PMVK: variants seen among roughly 807,000 people sequenced by gnomAD.
PMVK encodes testis tissue sperm-binding protein Li 95mP.
In PMVK, 10 loss-of-function variants were observed where a neutral mutation model predicts 19.0. That is an observed-to-expected ratio of 0.53 (90% CI 0.32 to 0.89). The LOEUF (loss-of-function observed/expected upper bound fraction) is 0.89. Ranked by LOEUF, PMVK falls within the 40% of genes least tolerant of loss-of-function variation. PMVK has a pLI of 0.03. For synonymous variants in PMVK, 108 were observed against 101.6 expected (o/e 1.06, Z -0.38); for missense variants, 222 against 251.1 (o/e 0.88, Z 0.78).
intron 2 of PMVK, among the ~76,000 whole-genome samples, chr1:154,930,381 A>AC (rs1654297653): frequency 6.6e-6 from 1 of 151,740 alleles, no homozygotes; most frequent in South Asian, 2.1e-4. Flanking sequence ...AACTGCTTGA[A>AC]CCCCAGGAGG....
the PMVK span, among the ~76,000 whole-genome samples, chr1:154,941,739 C>T: frequency 6.6e-6 from 1 of 152,300 alleles, no homozygotes; most frequent in South Asian, 2.1e-4. Flanking sequence ...CTATGACCCA[C>T]CCACCCCATC....
intron 1 of PMVK, among the ~76,000 whole-genome samples, chr1:154,933,772 G>A (rs1000437633): frequency 2.0e-5 from 3 of 151,782 alleles, no homozygotes; most frequent in African/African-American, 4.8e-5. Context: ...GATTACAGAC[G>A]TGAGCCACCG....
upstream of PMVK, among the ~76,000 whole-genome samples, chr1:154,940,312 C>T (rs1654615598): frequency 6.6e-6 from 1 of 152,208 alleles, no homozygotes; most frequent in South Asian, 2.1e-4. Context: ...CAATGGATGA[C>T]CCTCCCCTCT....
At chr1:154,939,884 C>G (rs1242579615), upstream of PMVK, among the ~76,000 whole-genome samples, 1 of 152,030 alleles carries the variant, frequency 6.6e-6, no homozygotes, top group East Asian at 1.9e-4. Context: ...CCACCTTCAG[C>G]CTGCTGAGTA....
Position 154,925,085 on chromosome 1 carries a change from A to AC in PMVK, c.*43dup. The AC allele has an allele frequency of 9.1e-6, 6 of 660,696 alleles. No individual in the cohort carries two copies. Among genetic ancestry groups the AC allele is most frequent in the Admixed American group, 3.2e-5 (1 of 31,078 alleles). The allele number at this position is 660,696 out of a possible 1,614,324, so 40.9% of individuals were successfully genotyped here. On this transcript the variant is annotated 3_prime_UTR_variant, in exon 5 of 5. Transcript: ENST00000368467. ...ACCCCCATTTTGCAGAGTCAGCCCC[A>AC]CCCCCACCTCAGCAGGCCCCAGCTC...
upstream of PMVK, among the ~76,000 whole-genome samples, chr1:154,940,698 C>T (rs1654623130): frequency 6.6e-6 from 1 of 152,212 alleles, no homozygotes; most frequent in South Asian, 2.1e-4. Flanking sequence ...TAAGAGAGTA[C>T]TATTAAAATT....
chr1:154,931,252 AACC>A (rs1175244703), intron 2 of PMVK, among the ~76,000 whole-genome samples: 4 of 152,100 alleles, frequency 2.6e-5, no homozygotes, highest in Non-Finnish European at 2.9e-5. Context: ...TGGTTCCGGA[AACC>A]ACACTCTGGC....
chr1:154,939,992 G>C (rs920365967), upstream of PMVK, among the ~76,000 whole-genome samples: 3 of 151,072 alleles, frequency 2.0e-5, no homozygotes, highest in African/African-American at 7.3e-5. Context: ...TCCCAGGCTG[G>C]TCTCGAACTC....
chr1:154,934,487 T>C (rs1463127479), intron 1 of PMVK, among the ~76,000 whole-genome samples: 2 of 152,134 alleles, frequency 1.3e-5, no homozygotes. Flanking sequence ...CAGCTAATTT[T>C]TTTTATCTTT....
chr1:154,931,107 C>T (rs11264287), intron 2 of PMVK, among the ~76,000 whole-genome samples: 31,525 of 152,084 alleles, frequency 0.21, 7,367 homozygotes, highest in African/African-American at 0.58. Flanking sequence ...AAAAAATAAA[C>T]CACTTAATTT....
chr1:154,929,287 C>A, intron 2 of PMVK, 111 bp from the exon 3 acceptor site: 1 of 989,436 alleles, frequency 1.0e-6, no homozygotes, highest in Non-Finnish European at 1.5e-6. Context: ...AGGGCTGATG[C>A]AAGGATTAAT....
At position 154,925,252 on chromosome 1, in the gene PMVK, A is replaced by G; in HGVS notation, c.456T>C (p.Ala152=). 6.2e-7 allele frequency: 1 copy of G among 1,614,142 alleles called. No individual in the cohort carries two copies. Among genetic ancestry groups the G allele is most frequent in the Non-Finnish European group, 8.5e-7 (1 of 1,179,982 alleles). ...AGTTGTCCAGGCCACATTCTGACTC[A>G]GCATCGTCCACCCCTATGAAGGAAG... ...GWVFTPGVDD[A]ESECGLDNFG... Residue 152 remains alanine (A), a synonymous_variant, in exon 5 of 5, where the codon GCT becomes GCC. Transcript: ENST00000368467.
At position 154,934,775 on chromosome 1, in the gene PMVK, G is replaced by A. The variant is rs183186467; in HGVS notation, c.95+1816C>T. Among the ~76,000 whole-genome samples, 430 of 152,030 alleles carry A rather than the reference G, an allele frequency of 2.8e-3. 3 individuals carry two copies. The highest frequency in any genetic ancestry group is 9.7e-3 in the African/African-American group (402 of 41,474). ...ATTTTACAGATGACAAAACTGAGAC[G>A]CAGGCCAGGTGCGGTGGTGGTTCAC... is the stretch of plus-strand genomic sequence containing the variant. On this transcript the variant is annotated intron_variant, in intron 1 of 4. Coordinates refer to ENST00000368467, the MANE Select transcript of PMVK (RefSeq NM_006556.4).
chr1:154,933,411 C>G (rs908160330), intron 1 of PMVK, among the ~76,000 whole-genome samples: 2 of 148,930 alleles, frequency 1.3e-5, no homozygotes, highest in African/African-American at 5.0e-5. Flanking sequence ...CCAGCCTGGG[C>G]AACAAGAGTG....
At chr1:154,941,132 G>A (rs928826905), upstream of PMVK, among the ~76,000 whole-genome samples, 6 of 152,326 alleles carry the variant, frequency 3.9e-5, no homozygotes, top group Middle Eastern at 3.4e-3. Flanking sequence ...TTCAAATCTC[G>A]CTCAGGTCAA....
Position 154,925,239 on chromosome 1 carries a change from C to T in PMVK, c.469G>A (p.Gly157Ser), listed in dbSNP as rs920834523. ...TCAAAGTCCCCGAAGTTGTCCAGGC[C>T]ACATTCTGACTCAGCATCGTCCACC... The part of the protein sequence containing the change: ...PGVDDAESEC[G>S]LDNFGDFDWV... The change falls in exon 5 of 5, where the codon GGC (glycine) becomes AGC (serine). Residue 157 changes from glycine (G) to serine (S), a missense_variant. Gly to Ser is a moderately conservative substitution (Grantham distance 56). Transcript: ENST00000368467. 19 of 1,614,008 alleles carry T rather than the reference C, an allele frequency of 1.2e-5. No homozygotes were observed. Among genetic ancestry groups the T allele is most frequent in the Non-Finnish European group, 1.6e-5 (19 of 1,179,998 alleles).
At position 154,925,115 on chromosome 1, in the gene PMVK, C is replaced by G; in HGVS notation, c.*14G>C. On this transcript the variant is annotated 3_prime_UTR_variant, in exon 5 of 5. Transcript: ENST00000368467. ...CACCTCAGCAGGCCCCAGCTCACTC[C>G]TAGAACCTAGTGACTAAAGTCTGGA... 6.2e-7 allele frequency: 1 copy of G among 1,612,302 alleles called. No individual in the cohort carries two copies. Among genetic ancestry groups the G allele is most frequent in the African/African-American group, 1.3e-5 (1 of 74,744 alleles).
chr1:154,939,538 A>C (rs949325522), upstream of PMVK, among the ~76,000 whole-genome samples: 8 of 151,626 alleles, frequency 5.3e-5, no homozygotes, highest in Admixed American at 1.3e-4. Context: ...ACAAAAAAAA[A>C]AAAACAAAAC....
Position 154,929,167 on chromosome 1 carries a change from A to G in PMVK, c.169T>C (p.Leu57=). 2 of 1,614,080 alleles carry G rather than the reference A, an allele frequency of 1.2e-6. No individual in the cohort carries two copies. Among genetic ancestry groups the G allele is most frequent in the Non-Finnish European group, 1.7e-6 (2 of 1,179,974 alleles). Residue 57 remains leucine (L), a synonymous_variant, in exon 3 of 5, where the codon TTG becomes CTG. Transcript: ENST00000368467. ...LKEQYAQEHG[L]NFQRLLDTST... The stretch of plus-strand genomic sequence containing the variant: ...GTGTCCAGGAGTCTCTGGAAGTTCA[A>G]GCCATGCTCCTGCCCAAAGGACATT...
Sources: allele counts gnomAD v4.1 joint callset (sites outside exome capture counted in the v4.1 genomes callset), GRCh38; gene constraint gnomAD v4.1.1; transcripts MANE v1.5; gene names NCBI Gene and HGNC (gene_info 2026-07-23, HGNC 2026-07-21).